Variants in CSNK2A2IP observed in about 807,000 individuals in gnomAD.
CSNK2A2IP encodes casein kinase 2 subunit alpha' interacting protein, also known as casein kinase II subunit alpha'-interacting protein.
chr3:88,449,874 T>TATAGAGAGAGAGAGAGAG, the CSNK2A2IP span, among the ~76,000 whole-genome samples: 3 of 70,104 alleles, frequency 4.3e-5, no homozygotes, highest in African/African-American at 9.3e-5. Flanking sequence ...TATATATATA[T>TATAGAGAGAGAGAGAGAG]AGAGAGAGAG....
chr3:88,339,479 A>G, the CSNK2A2IP span, among the ~76,000 whole-genome samples: 1 of 152,080 alleles, frequency 6.6e-6, no homozygotes, highest in Non-Finnish European at 1.5e-5. Context: ...CAGCTTGGCT[A>G]TTGTGAGTAG....
the CSNK2A2IP span, among the ~76,000 whole-genome samples, chr3:88,426,486 G>A: frequency 6.6e-6 from 1 of 152,268 alleles, no homozygotes; most frequent in Admixed American, 6.5e-5. Flanking sequence ...TAATGCACTA[G>A]CCCTGTTATG....
the CSNK2A2IP span, among the ~76,000 whole-genome samples, chr3:88,356,027 A>G: frequency 6.6e-6 from 1 of 152,160 alleles, no homozygotes. Context: ...TGTACAATGT[A>G]TAATGATCAA....
At chr3:88,367,180 G>A in the CSNK2A2IP span, among the ~76,000 whole-genome samples, 1 of 152,038 alleles carries the variant, frequency 6.6e-6, no homozygotes, top group Non-Finnish European at 1.5e-5. Context: ...GCTTGAACCT[G>A]CTCCCTCATT....
At chr3:88,457,231 A>C in the CSNK2A2IP span, among the ~76,000 whole-genome samples, 1 of 152,186 alleles carries the variant, frequency 6.6e-6, no homozygotes, top group African/African-American at 2.4e-5. Flanking sequence ...AGTACTGTTA[A>C]AATATTTTGT....
At chr3:88,364,538 A>T in the CSNK2A2IP span, among the ~76,000 whole-genome samples, 1 of 152,080 alleles carries the variant, frequency 6.6e-6, no homozygotes, top group Non-Finnish European at 1.5e-5. Flanking sequence ...ATCTTTTAAA[A>T]TTTTTATAGA....
At chr3:88,395,455 A>T in the CSNK2A2IP span, among the ~76,000 whole-genome samples, 1 of 152,214 alleles carries the variant, frequency 6.6e-6, no homozygotes. Context: ...TGACCTTACT[A>T]CATTTGTGAA....
At chr3:88,368,815 G>C in the CSNK2A2IP span, among the ~76,000 whole-genome samples, 1 of 152,126 alleles carries the variant, frequency 6.6e-6, no homozygotes, top group South Asian at 2.1e-4. Flanking sequence ...GATGCCAGTA[G>C]CTAACAGATC....
At chr3:88,370,590 T>C in the CSNK2A2IP span, among the ~76,000 whole-genome samples, 50 of 132,624 alleles carry the variant, frequency 3.8e-4, no homozygotes, top group Non-Finnish European at 8.3e-4. Flanking sequence ...CTCTCTCTCT[T>C]TCTTTCTTTC....
the CSNK2A2IP span, among the ~76,000 whole-genome samples, chr3:88,460,027 A>G: frequency 6.6e-6 from 1 of 152,176 alleles, no homozygotes; most frequent in East Asian, 1.9e-4. Flanking sequence ...GACATACAGC[A>G]GTTTCATAGA....
the CSNK2A2IP span, among the ~76,000 whole-genome samples, chr3:88,427,765 G>A: frequency 3.3e-5 from 5 of 152,136 alleles, no homozygotes; most frequent in South Asian, 2.1e-4. Flanking sequence ...TTCAAAGGAC[G>A]TCCGGTTTTA....
At chr3:88,369,702 A>G in the CSNK2A2IP span, among the ~76,000 whole-genome samples, 1 of 151,900 alleles carries the variant, frequency 6.6e-6, no homozygotes, top group African/African-American at 2.4e-5. Flanking sequence ...TTCCTGAAAG[A>G]CAGAATTGCT....
At chr3:88,398,258 CT>C in the CSNK2A2IP span, among the ~76,000 whole-genome samples, 1 of 152,030 alleles carries the variant, frequency 6.6e-6, no homozygotes, top group African/African-American at 2.4e-5. Context: ...GAACAAAAAG[CT>C]TTGATTTCTA....
chr3:88,394,673 C>T, the CSNK2A2IP span, among the ~76,000 whole-genome samples: 2 of 152,226 alleles, frequency 1.3e-5, no homozygotes, highest in Admixed American at 6.5e-5. Context: ...CACACACAGC[C>T]TTAATTTGCA....
chr3:88,438,060 T>G, the CSNK2A2IP span, among the ~76,000 whole-genome samples: 1 of 152,212 alleles, frequency 6.6e-6, no homozygotes, highest in Non-Finnish European at 1.5e-5. Context: ...ATTCGTGTTC[T>G]TATTGATTCT....
At chr3:88,359,401 T>C in the CSNK2A2IP span, among the ~76,000 whole-genome samples, 1 of 152,044 alleles carries the variant, frequency 6.6e-6, no homozygotes, top group Admixed American at 6.5e-5. Flanking sequence ...TTTTTTCTTC[T>C]ACTAATTTTG....
the CSNK2A2IP span, among the ~76,000 whole-genome samples, chr3:88,354,850 G>A: frequency 6.6e-6 from 1 of 152,184 alleles, no homozygotes; most frequent in Admixed American, 6.6e-5. Context: ...AACTAAGGAT[G>A]TGTGTAACTT....
chr3:88,357,702 C>T, the CSNK2A2IP span, among the ~76,000 whole-genome samples: 1 of 151,358 alleles, frequency 6.6e-6, no homozygotes, highest in Non-Finnish European at 1.5e-5. Context: ...TTGATTCTTC[C>T]AATTAATGAA....
the CSNK2A2IP span, among the ~76,000 whole-genome samples, chr3:88,350,110 C>A: frequency 1.3e-5 from 2 of 151,978 alleles, no homozygotes; most frequent in Non-Finnish European, 2.9e-5. Flanking sequence ...ACAGCCTTTT[C>A]TAGGCAGAAT....
Sources: allele counts gnomAD v4.1 joint callset (sites outside exome capture counted in the v4.1 genomes callset), GRCh38; gene constraint gnomAD v4.1.1; transcripts MANE v1.5; gene names NCBI Gene and HGNC (gene_info 2026-07-23, HGNC 2026-07-21).